The following MCPH1 variants were observed in gnomAD, a reference collection of about 807,000 sequenced individuals.
The protein encoded by MCPH1 is microcephalin.
MCPH1 carries 104 observed loss-of-function variants against 84.5 expected under a neutral mutation model. That is an observed-to-expected ratio of 1.23 (90% confidence interval 1.05 to 1.45). The LOEUF (loss-of-function observed/expected upper bound fraction) is 1.45, where lower values mean the gene tolerates loss of function less well. Among genes scored for constraint, MCPH1 ranks in the 40% most tolerant of loss-of-function variants. The pLI is 0.00. For missense variants in MCPH1, 1,498 were observed against 1,005.7 expected (o/e 1.49, Z -6.62); for synonymous variants, 514 against 366.8 (o/e 1.40, Z -4.58).
intron 4 of MCPH1, 130 bp from the exon 5 acceptor site, chr8:6,435,918 A>G: frequency 9.2e-7 from 1 of 1,092,752 alleles, no homozygotes; most frequent in Non-Finnish European, 1.3e-6. Context: ...CATACAGTGC[A>G]AGAAACACCT....
intron 8 of MCPH1, chr8:6,446,309 T>G (rs1804359002): frequency 1.0e-6 from 1 of 985,204 alleles, no homozygotes. Context: ...CGTCTTTACC[T>G]AAAGATTAGG....
chr8:6,620,042 T>A (rs1032393844), intron 12 of MCPH1: 2 of 152,254 alleles, frequency 1.3e-5, no homozygotes, highest in African/African-American at 4.8e-5. Flanking sequence ...GCAAATCTCT[T>A]GCCTTGCATC....
intron 11 of MCPH1, among the ~76,000 whole-genome samples, chr8:6,491,041 T>A (rs1007850518): frequency 5.1e-5 from 7 of 136,448 alleles, no homozygotes; most frequent in South Asian, 5.0e-4. Flanking sequence ...ATTTAAAATT[T>A]AAAAAATAAA....
At chr8:6,540,396 C>T (rs902767637) in intron 12 of MCPH1, among the ~76,000 whole-genome samples, 2 of 152,166 alleles carry the variant, frequency 1.3e-5, no homozygotes, top group Non-Finnish European at 2.9e-5. Context: ...GCTGTAGTAA[C>T]CTCATGTAAA....
At chr8:6,501,556 T>C (rs1812184471) in intron 12 of MCPH1, 1 of 147,146 alleles carries the variant, frequency 6.8e-6, no homozygotes, top group African/African-American at 2.5e-5. Flanking sequence ...TTTCTTTCTT[T>C]TTTTTTTTTT....
At chr8:6,418,842 A>AGTACTGGGATTGTAGGC (rs1308816123) in intron 3 of MCPH1, among the ~76,000 whole-genome samples, 3 of 151,518 alleles carry the variant, frequency 2.0e-5, no homozygotes, top group East Asian at 3.9e-4. Context: ...AGCCTCCCAA[A>AGTACTGGGATTGTAGGC]GTACTGGGAT....
At chr8:6,487,530 A>G (rs766633650) in intron 11 of MCPH1, among the ~76,000 whole-genome samples, 3 of 152,252 alleles carry the variant, frequency 2.0e-5, no homozygotes, top group Non-Finnish European at 2.9e-5. Context: ...AAAAGGGATC[A>G]TCTTGAAAAA....
chr8:6,625,780 T>A (rs1172672556), intron 13 of MCPH1: 1 of 982,670 alleles, frequency 1.0e-6, no homozygotes, highest in African/African-American at 1.8e-5. Flanking sequence ...CAAGACCCCA[T>A]CTCTAAAAAG....
chr8:6,481,717 T>G (rs1454881650), intron 11 of MCPH1, among the ~76,000 whole-genome samples: 1 of 152,264 alleles, frequency 6.6e-6, no homozygotes, highest in Non-Finnish European at 1.5e-5. Context: ...TTAGTGCTTC[T>G]AGTTGTGAAG....
In MCPH1 at chr8:6,599,624, G is replaced by A. The variant is rs138414906; in HGVS notation, c.2215-21830G>A. Among the ~76,000 whole-genome samples, 236 of 152,306 alleles carry A rather than the reference G, an allele frequency of 1.5e-3. 8 individuals carry two copies. In the East Asian group the frequency reaches 0.044, roughly 28 times the overall value. On this transcript the variant is annotated intron_variant, in intron 12 of 13. Transcript: ENST00000344683. ...TTGAAACAGGAAGTTCAGAAGCTTAGTACACACAAGTACAACAAATTCTCA... is the reference window on the plus strand; with the variant it reads ...TTGAAACAGGAAGTTCAGAAGCTTAATACACACAAGTACAACAAATTCTCA...
chr8:6,532,526 A>G, intron 12 of MCPH1: 1 of 1,509,378 alleles, frequency 6.6e-7, no homozygotes, highest in Non-Finnish European at 8.9e-7. Flanking sequence ...CATTAGTCAA[A>G]TGACCGGAAA....
intron 13 of MCPH1, chr8:6,626,642 G>A (rs1216895977): frequency 3.0e-6 from 3 of 984,880 alleles, no homozygotes; most frequent in East Asian, 2.3e-4. Flanking sequence ...GCTAATGGTT[G>A]CATTTTCCCC....
chr8:6,605,956 C>T (rs1208974049), intron 12 of MCPH1, among the ~76,000 whole-genome samples: 1 of 152,182 alleles, frequency 6.6e-6, no homozygotes, highest in Non-Finnish European at 1.5e-5. Context: ...CTTGGCCCCC[C>T]AGAATGCTGG....
chr8:6,583,111 A>C (rs777202767), intron 12 of MCPH1, among the ~76,000 whole-genome samples: 1 of 151,898 alleles, frequency 6.6e-6, no homozygotes. Flanking sequence ...GGCAATCTCT[A>C]TCCTAACCAG....
intron 12 of MCPH1, among the ~76,000 whole-genome samples, chr8:6,545,278 A>G (rs1822370132): frequency 6.6e-6 from 1 of 152,202 alleles, no homozygotes; most frequent in Non-Finnish European, 1.5e-5. Context: ...TACATGAGTG[A>G]ATCCATATTT....
intron 12 of MCPH1, among the ~76,000 whole-genome samples, chr8:6,534,993 C>T (rs1445760423): frequency 1.3e-5 from 2 of 152,158 alleles, no homozygotes; most frequent in South Asian, 4.1e-4. Context: ...CTCACAGCAC[C>T]CCAGCCAAGA....
At chr8:6,499,095 T>TAAATA (rs1312978614) in intron 11 of MCPH1, among the ~76,000 whole-genome samples, 1 of 137,826 alleles carries the variant, frequency 7.3e-6, no homozygotes, top group African/African-American at 2.5e-5. Flanking sequence ...AATAAATAAA[T>TAAATA]AAATAAAATA....
At chr8:6,571,394 C>T (rs1261016430) in intron 12 of MCPH1, among the ~76,000 whole-genome samples, 3 of 152,150 alleles carry the variant, frequency 2.0e-5, no homozygotes, top group Non-Finnish European at 4.4e-5. Flanking sequence ...TTATAAGTCA[C>T]ATTAAATGTT....
At chr8:6,498,622 G>C (rs768958898) in intron 11 of MCPH1, among the ~76,000 whole-genome samples, 1 of 152,084 alleles carries the variant, frequency 6.6e-6, no homozygotes, top group African/African-American at 2.4e-5. Context: ...CTTGAATGCC[G>C]CACGCATTTT....
Sources: allele counts gnomAD v4.1 joint callset (sites outside exome capture counted in the v4.1 genomes callset), GRCh38; gene constraint gnomAD v4.1.1; transcripts MANE v1.5; gene names NCBI Gene and HGNC (gene_info 2026-07-23, HGNC 2026-07-21).